The following PPP2R2B variants were observed in gnomAD, a reference collection of about 807,000 sequenced individuals.
The protein encoded by PPP2R2B is protein phosphatase 2 regulatory subunit Bbeta, also known as serine/threonine-protein phosphatase 2A 55 kDa regulatory subunit B beta isoform.
Under a neutral mutation model 46.0 loss-of-function variants are expected in PPP2R2B, and 5 were observed. The ratio of observed to expected loss-of-function variants is 0.11; its 90% confidence interval spans 0.06 to 0.23. The LOEUF (loss-of-function observed/expected upper bound fraction) is 0.23, where lower values mean the gene tolerates loss of function less well. Ranked by LOEUF, PPP2R2B falls within the 10% of genes least tolerant of loss-of-function variation. The pLI is 1.00. For synonymous variants in PPP2R2B, 215 were observed against 206.7 expected (o/e 1.04, Z -0.34); for missense variants, 367 against 575.0 (o/e 0.64, Z 3.70).
intron 1 of PPP2R2B, among the ~76,000 whole-genome samples, chr5:146,935,603 A>G (rs1456969395): frequency 2.6e-5 from 4 of 152,142 alleles, no homozygotes; most frequent in Non-Finnish European, 5.9e-5. Flanking sequence ...CTGTCAGGAA[A>G]TATATTCCCT....
intron 1 of PPP2R2B, among the ~76,000 whole-genome samples, chr5:146,924,571 T>C (rs1400191199): frequency 6.6e-6 from 1 of 152,156 alleles, no homozygotes; most frequent in Non-Finnish European, 1.5e-5. Context: ...TCTTGCTTTT[T>C]ATTAGGGCCA....
At chr5:146,592,329 T>TC in intron 9 of PPP2R2B, 1 of 220,232 alleles carries the variant, frequency 4.5e-6, no homozygotes, top group Middle Eastern at 6.0e-4. Flanking sequence ...TTCTATGCTT[T>TC]CAAACACTAT....
chr5:146,878,522 G>A lies in PPP2R2B; in HGVS notation c.-125+69C>T, dbSNP rs1421343085. The A allele has an allele frequency of 2.3e-6, 3 of 1,280,030 alleles. No homozygotes were observed. The highest frequency in any genetic ancestry group is 3.0e-5 in the African/African-American group (2 of 65,678). The allele number at this position is 1,280,030 out of a possible 1,614,324, so 79.3% of individuals were successfully genotyped here. A position where few individuals can be genotyped will look rare whatever the true frequency, so the allele number is the denominator to read the frequency against. On this transcript the variant is annotated intron_variant, in intron 1 of 9. Coordinates refer to ENST00000394411, the MANE Select transcript of PPP2R2B (RefSeq NM_181675.4). The surrounding 1 kb of genome is among the most constrained non-coding windows in gnomAD (Gnocchi z 4.5). ...CCTCCCCCTGGGAGAGCGGGCAGCC[G>A]CGACAAAATGGTGCCTTTCTGGACC...
intron 2 of PPP2R2B, among the ~76,000 whole-genome samples, chr5:146,771,215 A>G (rs1483215814): frequency 6.6e-6 from 1 of 152,222 alleles, no homozygotes; most frequent in Non-Finnish European, 1.5e-5. Flanking sequence ...TCAGTGGCCA[A>G]GAAGACTGAA....
At chr5:146,873,754 G>A in intron 2 of PPP2R2B, among the ~76,000 whole-genome samples, 1 of 152,138 alleles carries the variant, frequency 6.6e-6, no homozygotes. Context: ...GGGATTACAG[G>A]CATACACCAC....
chr5:146,609,126 A>T (rs1255144149), intron 7 of PPP2R2B, among the ~76,000 whole-genome samples: 4 of 152,206 alleles, frequency 2.6e-5, no homozygotes, highest in Non-Finnish European at 5.9e-5. Flanking sequence ...ACCATACGAA[A>T]ATCAATGTGA....
upstream of PPP2R2B, chr5:146,879,034 T>C (rs529888266): frequency 6.7e-6 from 4 of 593,884 alleles, no homozygotes; most frequent in Middle Eastern, 8.0e-4. Context: ...AGCCCCTAGC[T>C]CCCTGCCTTT....
chr5:146,821,930 T>G (rs1024016552), intron 2 of PPP2R2B, among the ~76,000 whole-genome samples: 1 of 152,194 alleles, frequency 6.6e-6, no homozygotes, highest in Admixed American at 6.5e-5. Context: ...ATTTTACCAA[T>G]GGCAAAATAC....
chr5:146,901,036 T>C (rs1226191337), intron 1 of PPP2R2B, among the ~76,000 whole-genome samples: 1 of 152,218 alleles, frequency 6.6e-6, no homozygotes, highest in Non-Finnish European at 1.5e-5. Context: ...CTGTCATTGA[T>C]GGGCATTTGG....
chr5:146,597,206 T>C (rs1021068548), intron 8 of PPP2R2B, among the ~76,000 whole-genome samples: 1 of 152,226 alleles, frequency 6.6e-6, no homozygotes, highest in African/African-American at 2.4e-5. Context: ...TCCATTACTA[T>C]TCCTGCCACT....
chr5:146,615,899 T>G (rs1247556126), intron 7 of PPP2R2B, among the ~76,000 whole-genome samples: 1 of 152,132 alleles, frequency 6.6e-6, no homozygotes, highest in Non-Finnish European at 1.5e-5. Context: ...TCCTAAAATT[T>G]ATATGAAACC....
At chr5:146,902,101 C>T (rs1762853780) in intron 1 of PPP2R2B, among the ~76,000 whole-genome samples, 1 of 152,160 alleles carries the variant, frequency 6.6e-6, no homozygotes, top group Non-Finnish European at 1.5e-5. Context: ...AAAGACCTCA[C>T]CATGTGCACA....
At chr5:146,863,757 G>A (rs960133649) in intron 2 of PPP2R2B, among the ~76,000 whole-genome samples, 1 of 151,888 alleles carries the variant, frequency 6.6e-6, no homozygotes, top group Non-Finnish European at 1.5e-5. Flanking sequence ...TTAAAAAAAT[G>A]CCTCAAAGAG....
chr5:146,645,138 C>A (rs1775492999), intron 6 of PPP2R2B, among the ~76,000 whole-genome samples: 2 of 152,200 alleles, frequency 1.3e-5, no homozygotes, highest in Non-Finnish European at 2.9e-5. Context: ...ATAGTAATAT[C>A]TTTGTGTGAA....
At chr5:146,945,147 T>C (rs1199582345) in intron 1 of PPP2R2B, among the ~76,000 whole-genome samples, 1 of 152,164 alleles carries the variant, frequency 6.6e-6, no homozygotes, top group Non-Finnish European at 1.5e-5. Flanking sequence ...ATACCTGCTT[T>C]GTACTTCCTA....
chr5:146,815,630 A>G (rs930416842), intron 2 of PPP2R2B, among the ~76,000 whole-genome samples: 1 of 152,254 alleles, frequency 6.6e-6, no homozygotes, highest in Non-Finnish European at 1.5e-5. Flanking sequence ...CAAATTGTTT[A>G]GAAGGGTTGA....
chr5:147,079,539 C>T (rs1233472997), intron 2 of PPP2R2B, among the ~76,000 whole-genome samples: 1 of 148,664 alleles, frequency 6.7e-6, no homozygotes, highest in African/African-American at 2.5e-5. Context: ...CATGGATAAA[C>T]CTGAAAGGCA....
intron 5 of PPP2R2B, among the ~76,000 whole-genome samples, chr5:146,654,947 C>T (rs562272895): frequency 1.3e-4 from 20 of 152,298 alleles, no homozygotes; most frequent in African/African-American, 3.6e-4. Context: ...CAGTTCAAAC[C>T]TTGTCTGAGC....
intron 1 of PPP2R2B, among the ~76,000 whole-genome samples, chr5:147,020,861 C>T (rs1474035137): frequency 6.6e-6 from 1 of 152,088 alleles, no homozygotes; most frequent in East Asian, 1.9e-4. Flanking sequence ...AAGCAAATTC[C>T]ATGAATACCA....
Sources: gnomAD v4.1 joint callset for allele counts (sites outside exome capture counted in the v4.1 genomes callset) on GRCh38, gnomAD v4.1.1 for gene constraint, Gnocchi (gnomAD v3.1) non-coding constraint, MANE v1.5 for transcripts, NCBI Gene and HGNC (gene_info 2026-07-23, HGNC 2026-07-21) for gene names.